Variants in PRKAR2B observed in about 807,000 individuals in gnomAD.
PRKAR2B encodes cAMP-dependent protein kinase type II-beta regulatory subunit.
A neutral mutation model predicts 49.9 loss-of-function variants in PRKAR2B; 14 were observed. The ratio of observed to expected loss-of-function variants is 0.28; its 90% CI spans 0.19 to 0.44. PRKAR2B has a LOEUF of 0.44. Among genes scored for constraint, PRKAR2B ranks in the 20% least tolerant of loss-of-function variants. The probability of loss-of-function intolerance (pLI) is 1.00; values close to 1 mark genes in which losing one functional copy is unlikely to be tolerated. For synonymous variants in PRKAR2B, 196 were observed against 197.7 expected (o/e 0.99, Z 0.07); for missense variants, 393 against 537.9 (o/e 0.73, Z 2.67).
chr7:107,047,909 C>T (rs548826496), intron 1 of PRKAR2B, among the ~76,000 whole-genome samples: 6 of 152,294 alleles, frequency 3.9e-5, no homozygotes, highest in African/African-American at 1.2e-4. Flanking sequence ...TCAATAGTTC[C>T]ATGACTGTAC....
intron 2 of PRKAR2B, among the ~76,000 whole-genome samples, chr7:107,084,700 A>C (rs965091338): frequency 1.3e-4 from 20 of 150,980 alleles, no homozygotes; most frequent in Admixed American, 1.3e-3. Context: ...GGCTCACTGC[A>C]AGCTCCGCCT....
chr7:107,049,654 A>C (rs1427321647), intron 1 of PRKAR2B, among the ~76,000 whole-genome samples: 2 of 152,078 alleles, frequency 1.3e-5, no homozygotes, highest in African/African-American at 4.8e-5. Context: ...ATTGTGTTTT[A>C]TGGAAATGAA....
intron 4 of PRKAR2B, among the ~76,000 whole-genome samples, 161 bp downstream of exon 4, chr7:107,128,456 T>G (rs562320417): frequency 6.6e-6 from 1 of 152,286 alleles, no homozygotes; most frequent in Admixed American, 6.5e-5. Flanking sequence ...TAGGTTGAAC[T>G]GCAGGAGAGG....
At chr7:107,082,131 T>G (rs996360753) in intron 2 of PRKAR2B, 7 of 152,234 alleles carry the variant, frequency 4.6e-5, no homozygotes, top group African/African-American at 1.2e-4. Flanking sequence ...ACTACTCTTG[T>G]GGCTTTCTAA....
At chr7:107,050,279 T>G (rs1793775761) in intron 1 of PRKAR2B, among the ~76,000 whole-genome samples, 1 of 151,318 alleles carries the variant, frequency 6.6e-6, no homozygotes, top group African/African-American at 2.4e-5. Context: ...TACTTTAATT[T>G]TTCTATCAAA....
At chr7:107,078,434 C>T (rs1009294716) in intron 2 of PRKAR2B, among the ~76,000 whole-genome samples, 1 of 152,066 alleles carries the variant, frequency 6.6e-6, no homozygotes, top group Non-Finnish European at 1.5e-5. Flanking sequence ...TCTGAGATGC[C>T]AGGGCACAGG....
At chr7:107,074,675 T>A (rs1794359521) in intron 2 of PRKAR2B, among the ~76,000 whole-genome samples, 1 of 151,994 alleles carries the variant, frequency 6.6e-6, no homozygotes, top group Admixed American at 6.6e-5. Context: ...GGCGGGCGCC[T>A]GTAATCCAGC....
At chr7:107,056,108 C>G (rs1202946014) in intron 1 of PRKAR2B, among the ~76,000 whole-genome samples, 3 of 152,232 alleles carry the variant, frequency 2.0e-5, no homozygotes, top group Admixed American at 6.5e-5. Flanking sequence ...TCAGGTTTGT[C>G]AAAGATCAGA....
chr7:107,048,974 C>A (rs1285691308), intron 1 of PRKAR2B, among the ~76,000 whole-genome samples: 2 of 152,184 alleles, frequency 1.3e-5, no homozygotes, highest in Non-Finnish European at 2.9e-5. Context: ...CTCCCTCTTC[C>A]CCGTCCTAGA....
chr7:107,085,945 G>C (rs1562851830), intron 2 of PRKAR2B, among the ~76,000 whole-genome samples: 1 of 152,164 alleles, frequency 6.6e-6, no homozygotes, highest in Non-Finnish European at 1.5e-5. Context: ...TGAAATTTGA[G>C]CATGTGAAAT....
intron 2 of PRKAR2B, 131 bp from the exon 3 acceptor site, chr7:107,121,821 T>C: frequency 2.3e-6 from 1 of 441,832 alleles, no homozygotes; most frequent in South Asian, 8.8e-5. Context: ...AGACTGCTTC[T>C]CCTGGTTGAG....
chr7:107,109,746 A>G (rs961126838), intron 2 of PRKAR2B, among the ~76,000 whole-genome samples: 7 of 152,150 alleles, frequency 4.6e-5, no homozygotes, highest in Non-Finnish European at 1.0e-4. Flanking sequence ...GGTTCAAACT[A>G]TGCATCTATA....
intron 3 of PRKAR2B, among the ~76,000 whole-genome samples, chr7:107,127,868 G>A (rs935444736): frequency 1.3e-5 from 2 of 152,158 alleles, no homozygotes; most frequent in Non-Finnish European, 2.9e-5. Context: ...CTTTTGTACG[G>A]GTCCCCACTG....
chr7:107,065,206 T>C (rs1235523421), intron 1 of PRKAR2B, among the ~76,000 whole-genome samples: 2 of 152,220 alleles, frequency 1.3e-5, no homozygotes, highest in Admixed American at 1.3e-4. Flanking sequence ...AAGATTATTG[T>C]GTATATTTCA....
At chr7:107,146,205 G>A in intron 5 of PRKAR2B, 103 bp from the exon 6 acceptor site, 1 of 1,199,994 alleles carries the variant, frequency 8.3e-7, no homozygotes, top group Admixed American at 2.3e-5. Context: ...GGGATAACAG[G>A]CTGGAAATAA....
At chr7:107,051,842 G>C (rs957466560) in intron 1 of PRKAR2B, among the ~76,000 whole-genome samples, 5 of 152,052 alleles carry the variant, frequency 3.3e-5, no homozygotes, top group African/African-American at 1.2e-4. Flanking sequence ...CCACATAAAA[G>C]TGAAGCCAAG....
intron 6 of PRKAR2B, among the ~76,000 whole-genome samples, chr7:107,147,321 C>G (rs988467864): frequency 5.9e-5 from 9 of 152,092 alleles, no homozygotes; most frequent in African/African-American, 2.2e-4. Context: ...CAAAAAAAAT[C>G]CTCTTACCTA....
chr7:107,112,402 T>C (rs944983929), intron 2 of PRKAR2B, among the ~76,000 whole-genome samples: 2 of 152,046 alleles, frequency 1.3e-5, no homozygotes, highest in African/African-American at 2.4e-5. Flanking sequence ...CAAATCTTGA[T>C]TTAAGTCTTG....
intron 2 of PRKAR2B, among the ~76,000 whole-genome samples, chr7:107,112,086 A>G (rs1457715484): frequency 6.8e-6 from 1 of 146,066 alleles, no homozygotes; most frequent in Non-Finnish European, 1.5e-5. Flanking sequence ...AGGCAGGAGG[A>G]CAGCCTGAGC....
Sources: allele counts gnomAD v4.1 joint callset (sites outside exome capture counted in the v4.1 genomes callset), GRCh38; gene constraint gnomAD v4.1.1; transcripts MANE v1.5; gene names NCBI Gene and HGNC (gene_info 2026-07-23, HGNC 2026-07-21).